Variants in ARMH3 observed in about 807,000 individuals in gnomAD.
The protein encoded by ARMH3 is armadillo like helical domain containing 3, also known as armadillo-like helical domain-containing protein 3.
In ARMH3, 60 loss-of-function variants were observed where a neutral mutation model predicts 99.1. The ratio of observed to expected loss-of-function variants is 0.61; its 90% CI spans 0.49 to 0.75. The LOEUF (loss-of-function observed/expected upper bound fraction) is 0.75, where lower values mean the gene tolerates loss of function less well. ARMH3 is among the 30% of genes least tolerant of loss of function. The pLI is 0.00. For missense variants in ARMH3, 679 were observed against 843.1 expected (o/e 0.81, Z 2.41); for synonymous variants, 285 against 292.8 (o/e 0.97, Z 0.27).
chr10:101,969,426 T>C (rs755558865), intron 20 of ARMH3, among the ~76,000 whole-genome samples: 8 of 152,250 alleles, frequency 5.3e-5, no homozygotes, highest in Non-Finnish European at 2.9e-5. Flanking sequence ...CAGATAAATC[T>C]ATGGCTTGAG....
At chr10:102,052,121 T>A (rs942905229) in intron 1 of ARMH3, among the ~76,000 whole-genome samples, 4 of 152,086 alleles carry the variant, frequency 2.6e-5, no homozygotes, top group Non-Finnish European at 4.4e-5. Context: ...CTGTCACTCA[T>A]ATCTTCTCAT....
intron 24 of ARMH3, among the ~76,000 whole-genome samples, chr10:101,881,309 G>A (rs1192602937): frequency 6.6e-6 from 1 of 152,054 alleles, no homozygotes; most frequent in Non-Finnish European, 1.5e-5. Flanking sequence ...TATGTAGAGA[G>A]ATTTTTAGCA....
rs866687091 is a variant in ARMH3, at chr10:101,916,813, A to G, written c.1781+23050T>C. 5.9e-5 allele frequency among the ~76,000 whole-genome samples: 9 copies of G among 152,202 alleles called. No homozygotes were observed. The South Asian group carries it at 6.2e-4, about 10-fold the overall frequency. ...GTCTGTTGAAAGCCCACCTGAATAG[A>G]ACAAAAGGCAGAGGAAGGGCAAATT... is the stretch of plus-strand genomic sequence containing the variant. On this transcript the variant is annotated intron_variant, in intron 23 of 25. Coordinates refer to ENST00000370033, the MANE Select transcript of ARMH3 (RefSeq NM_024541.3).
intron 24 of ARMH3, among the ~76,000 whole-genome samples, chr10:101,874,579 G>C (rs2067214611): frequency 6.6e-6 from 1 of 152,146 alleles, no homozygotes; most frequent in South Asian, 2.1e-4. Flanking sequence ...CTACAGGAAG[G>C]TTTTTTAGTG....
At chr10:101,951,251 T>C (rs1844769540) in intron 22 of ARMH3, among the ~76,000 whole-genome samples, 2 of 152,156 alleles carry the variant, frequency 1.3e-5, no homozygotes, top group South Asian at 4.1e-4. Context: ...ATAATCCCAA[T>C]CAAAACTCCA....
At chr10:101,908,401 A>G (rs1842723597) in intron 23 of ARMH3, among the ~76,000 whole-genome samples, 1 of 152,220 alleles carries the variant, frequency 6.6e-6, no homozygotes, top group African/African-American at 2.4e-5. Context: ...GTTTCTCAAC[A>G]TGAGCACTAC....
chr10:102,026,289 T>C (rs2067000301), intron 5 of ARMH3, among the ~76,000 whole-genome samples: 2 of 152,176 alleles, frequency 1.3e-5, no homozygotes, highest in Non-Finnish European at 2.9e-5. Flanking sequence ...ATTCAATAAA[T>C]ATGTGAGCAT....
intron 24 of ARMH3, among the ~76,000 whole-genome samples, chr10:101,865,519 C>A (rs1041841165): frequency 3.9e-5 from 6 of 151,964 alleles, no homozygotes; most frequent in Non-Finnish European, 8.8e-5. Context: ...GACAGAGTCT[C>A]ACTCTGTTGC....
chr10:101,978,667 G>C (rs1350288366), intron 19 of ARMH3, among the ~76,000 whole-genome samples: 1 of 152,054 alleles, frequency 6.6e-6, no homozygotes, highest in Non-Finnish European at 1.5e-5. Flanking sequence ...TAGGCCAGGC[G>C]CAGTAGCTCA....
chr10:101,975,353 C>A, intron 19 of ARMH3, 53 bp from the exon 20 acceptor site: 1 of 1,400,814 alleles, frequency 7.1e-7, no homozygotes, highest in Non-Finnish European at 1.0e-6. Context: ...TAGTGCAACT[C>A]ACCAGAGATC....
intron 22 of ARMH3, among the ~76,000 whole-genome samples, chr10:101,943,187 C>T (rs1011363661): frequency 1.3e-5 from 2 of 152,140 alleles, no homozygotes; most frequent in Admixed American, 1.3e-4. Context: ...AGAAAGCTGG[C>T]AAGGAGGGAG....
intron 23 of ARMH3, among the ~76,000 whole-genome samples, chr10:101,927,517 C>G (rs1408637163): frequency 6.6e-6 from 1 of 152,216 alleles, no homozygotes; most frequent in Non-Finnish European, 1.5e-5. Flanking sequence ...ACCTCAAGGT[C>G]CATACTCTGA....
chr10:101,915,537 T>A (rs193194590), intron 23 of ARMH3, among the ~76,000 whole-genome samples: 50 of 152,324 alleles, frequency 3.3e-4, no homozygotes, highest in Admixed American at 2.9e-3. Context: ...CATTTCAAGT[T>A]GACCATGAGA....
At chr10:101,879,900 T>C (rs2067368769) in intron 24 of ARMH3, among the ~76,000 whole-genome samples, 2 of 152,112 alleles carry the variant, frequency 1.3e-5, no homozygotes, top group Non-Finnish European at 2.9e-5. Flanking sequence ...ATAAAGATGA[T>C]TACTGAGGAT....
intron 22 of ARMH3, among the ~76,000 whole-genome samples, chr10:101,949,550 AT>A (rs1844698500): frequency 6.6e-6 from 1 of 152,128 alleles, no homozygotes; most frequent in African/African-American, 2.4e-5. Context: ...ATAGTCCTGT[AT>A]CTATTAAATA....
Position 101,991,992 on chromosome 10 carries a change from C to A in ARMH3, c.1322G>T (p.Arg441Leu), listed in dbSNP as rs763192348. The change falls in exon 18 of 26, where the codon CGT becomes CTT. Residue 441 changes from arginine (R) to leucine (L), a missense_variant. Arg to Leu is a moderately radical substitution (Grantham distance 102). Transcript: ENST00000370033. Reference protein sequence around the residue: ...KKAADKNLPCRPLVCAVLDLM... With the variant: ...KKAADKNLPCLPLVCAVLDLM... Reference sequence around the variant, plus strand: ...ACCCAGTACTGCACATACTAAAGGACGGCAGGGAAGATTCTTGTCTGCTGC... The same window carrying A: ...ACCCAGTACTGCACATACTAAAGGAAGGCAGGGAAGATTCTTGTCTGCTGC... 12 of 1,613,950 alleles carry A rather than the reference C, an allele frequency of 7.4e-6. No individual in the cohort carries two copies. In the East Asian group the frequency reaches 2.7e-4, roughly 36 times the overall value.
chr10:102,041,318 A>G (rs944941619), intron 1 of ARMH3, among the ~76,000 whole-genome samples: 7 of 151,740 alleles, frequency 4.6e-5, no homozygotes, highest in Non-Finnish European at 1.0e-4. Flanking sequence ...CATTATTAAC[A>G]AATTTCCTCT....
intron 15 of ARMH3, among the ~76,000 whole-genome samples, chr10:101,997,981 C>A (rs1847138730): frequency 6.6e-6 from 1 of 152,162 alleles, no homozygotes; most frequent in Non-Finnish European, 1.5e-5. Context: ...TAAAGCCACA[C>A]AGGAGTCATT....
intron 8 of ARMH3, among the ~76,000 whole-genome samples, chr10:102,018,173 A>G (rs552493846): frequency 1.2e-4 from 18 of 152,250 alleles, no homozygotes; most frequent in South Asian, 8.3e-4. Context: ...GCAATCTCCA[A>G]TGAAGCCCCC....
Sources: allele counts gnomAD v4.1 joint callset (sites outside exome capture counted in the v4.1 genomes callset), GRCh38; gene constraint gnomAD v4.1.1; transcripts MANE v1.5; gene names NCBI Gene and HGNC (gene_info 2026-07-23, HGNC 2026-07-21).